The following UQCRB variants were observed in gnomAD, a reference collection of about 807,000 sequenced individuals.
UQCRB encodes cytochrome b-c1 complex subunit 7.
In UQCRB, 12 loss-of-function variants were observed where a neutral mutation model predicts 19.8. The observed-to-expected ratio is 0.61, with a 90% CI of 0.39 to 0.98. UQCRB has a LOEUF of 0.98. Among genes scored for constraint, UQCRB ranks in the 50% least tolerant of loss-of-function variants. The pLI, the probability that UQCRB is intolerant of heterozygous loss-of-function variation, is 0.00. For synonymous variants in UQCRB, 39 were observed against 42.9 expected, an observed-to-expected ratio of 0.91 and a Z score of 0.35; for missense variants, 142 against 131.8, an observed-to-expected ratio of 1.08 and a Z score of -0.38.
chr8:96,233,840 T>C (rs1362956469), intron 1 of UQCRB: 1 of 152,766 alleles, frequency 6.5e-6, no homozygotes, highest in Admixed American at 6.5e-5. Context: ...ATACCATTAG[T>C]CATTTAAACA....
At chr8:96,235,200 T>C (rs1046423281) in intron 1 of UQCRB, 1 of 538,992 alleles carries the variant, frequency 1.9e-6, no homozygotes, top group African/African-American at 1.9e-5. Context: ...GTTATCCTCT[T>C]GTGCCCTTTA....
chr8:96,227,785 G>C lies in UQCRB; in HGVS notation c.*3270C>G, dbSNP rs1395277219. On this transcript the variant is annotated 3_prime_UTR_variant, in exon 4 of 4. Coordinates refer to ENST00000287022, the MANE Select transcript of UQCRB (RefSeq NM_006294.5). ...AAGTCAAAATTAGTGCAGAGTTAAT[G>C]CTTGAAAAGGGAGTCCTTAAAGTAA... 1 of 453,782 alleles carries C rather than the reference G, an allele frequency of 2.2e-6. No individual in the cohort carries two copies. Among genetic ancestry groups the C allele is most frequent in the Non-Finnish European group, 4.4e-6 (1 of 226,660 alleles). The allele number at this position is 453,782 out of a possible 1,614,324, so 28.1% of individuals were successfully genotyped here. A position where few individuals can be genotyped will look rare whatever the true frequency, so the allele number is the denominator to read the frequency against.
At chr8:96,231,637 C>A in intron 3 of UQCRB, 137 bp downstream of exon 3, 1 of 1,406,696 alleles carries the variant, frequency 7.1e-7, no homozygotes, top group Non-Finnish European at 9.9e-7. Flanking sequence ...ACGGAAATAA[C>A]ATTTGCTTTA....
rs951325277 is a variant in UQCRB at position 96,235,431 on chromosome 8, A to C, written c.19+81T>G. 4.4e-6 allele frequency: 7 copies of C among 1,599,786 alleles called. No homozygotes were observed. The South Asian group carries it at 7.7e-5, about 18-fold the overall frequency. On this transcript the variant is annotated intron_variant, in intron 1 of 3. Coordinates refer to ENST00000287022, the MANE Select transcript of UQCRB (RefSeq NM_006294.5). ...CGACAAACTTGGCCACTTACAAAGA[A>C]GAGAGAAAACGGAGCAAGCTGCAGC...
At position 96,230,310 on chromosome 8, in the gene UQCRB, C is replaced by T. The variant is rs921042248; in HGVS notation, c.*745G>A. ...CAGGCTGGTCTCAAATTCCTGACTTCAGGTGACCCGCCCGCCTCGGCCTCC... is the reference window on the plus strand; with the variant it reads ...CAGGCTGGTCTCAAATTCCTGACTTTAGGTGACCCGCCCGCCTCGGCCTCC... On this transcript the variant is annotated 3_prime_UTR_variant, in exon 4 of 4. Transcript: ENST00000287022. The T allele has an allele frequency of 2.4e-6, 1 of 420,258 alleles. No homozygotes were observed. The highest frequency in any genetic ancestry group is 2.1e-5 in the African/African-American group (1 of 48,650). 26.0% of individuals were successfully genotyped at this position (420,258 alleles called of 1,614,324 possible). A position where few individuals can be genotyped will look rare whatever the true frequency, so the allele number is the denominator to read the frequency against.
At chr8:96,235,470 G>T (rs1278454906) in intron 1 of UQCRB, 42 bp downstream of exon 1, 1 of 1,614,158 alleles carries the variant, frequency 6.2e-7, no homozygotes, top group Non-Finnish European at 8.5e-7. Flanking sequence ...AATAAACGGT[G>T]AAGCGCGACG....
At chr8:96,231,348 C>T (rs1274657383) in intron 3 of UQCRB, 23 of 1,545,726 alleles carry the variant, frequency 1.5e-5, no homozygotes, top group African/African-American at 8.2e-5. Flanking sequence ...GAAGTCTTTT[C>T]GGGAAGAAAA....
rs1281008127 is a variant in UQCRB, at chr8:96,226,958, A to T, written c.*4097T>A. 2 of 454,032 alleles carry T rather than the reference A, an allele frequency of 4.4e-6. No individual in the cohort carries two copies. Among genetic ancestry groups the T allele is most frequent in the Admixed American group, 4.7e-5 (2 of 42,566 alleles). 28.1% of individuals were successfully genotyped at this position (454,032 alleles called of 1,614,324 possible). Reference sequence around the variant, plus strand: ...CAATAAAATTTCTTAGCAAAATATAACTTAGAGGCACTATCCGACCTGAGA... The same window carrying T: ...CAATAAAATTTCTTAGCAAAATATATCTTAGAGGCACTATCCGACCTGAGA... On this transcript the variant is annotated 3_prime_UTR_variant, in exon 4 of 4. Coordinates refer to ENST00000287022, the MANE Select transcript of UQCRB (RefSeq NM_006294.5).
At chr8:96,235,367 A>G in intron 1 of UQCRB, 145 bp downstream of exon 1, 6 of 1,214,578 alleles carry the variant, frequency 4.9e-6, no homozygotes, top group Non-Finnish European at 7.3e-6. Context: ...GGGGAAGCAC[A>G]TCCTTTTCAC....
In UQCRB at chr8:96,227,855, T is replaced by C. The variant is rs1563534198; in HGVS notation, c.*3200A>G. 2.2e-6 allele frequency: 1 copy of C among 454,008 alleles called. No homozygotes were observed. The highest frequency in any genetic ancestry group is 1.6e-5 in the South Asian group (1 of 64,472). 28.1% of individuals were successfully genotyped at this position (454,008 alleles called of 1,614,324 possible). On this transcript the variant is annotated 3_prime_UTR_variant, in exon 4 of 4. Transcript: ENST00000287022. ...ACCAAAATGTACACTTTGGATTTAT[T>C]AAGATTCTAGAATTTAAAAACAGGA...
At chr8:96,235,420 A>T in intron 1 of UQCRB, 92 bp downstream of exon 1, 1 of 1,575,578 alleles carries the variant, frequency 6.3e-7, no homozygotes, top group Non-Finnish European at 8.7e-7. Flanking sequence ...AAACTTGGCC[A>T]CTTACAAAGA....
At position 96,227,651 on chromosome 8, in the gene UQCRB, T is replaced by C. The variant is rs1163926420; in HGVS notation, c.*3404A>G. Reference sequence around the variant, plus strand: ...TTAATTCCAAGTAGTTTGGTTATTTTCAAAGCTACACACAGGATGCCCATA... The same window carrying C: ...TTAATTCCAAGTAGTTTGGTTATTTCCAAAGCTACACACAGGATGCCCATA... On this transcript the variant is annotated 3_prime_UTR_variant, in exon 4 of 4. Coordinates refer to ENST00000287022, the MANE Select transcript of UQCRB (RefSeq NM_006294.5). The C allele has an allele frequency of 1.1e-5, 5 of 454,030 alleles. No individual in the cohort carries two copies. Among genetic ancestry groups the C allele is most frequent in the Non-Finnish European group, 2.2e-5 (5 of 226,800 alleles). The allele number at this position is 454,030 out of a possible 1,614,324, so 28.1% of individuals were successfully genotyped here.
rs1438914304 is a variant in UQCRB at position 96,223,971 on chromosome 8, C to T, written c.*7084G>A. 1.3e-5 allele frequency among the ~76,000 whole-genome samples: 2 copies of T among 152,130 alleles called. No homozygotes were observed. Among genetic ancestry groups the T allele is most frequent in the African/African-American group, 2.4e-5 (1 of 41,440 alleles). ...TCCCTTCAACTGGAACTAGTGTGGTCTCCTGGAGTCTGACTCTGGGGCATG... is the reference window on the plus strand; with the variant it reads ...TCCCTTCAACTGGAACTAGTGTGGTTTCCTGGAGTCTGACTCTGGGGCATG... On this transcript the variant is annotated 3_prime_UTR_variant, in exon 4 of 4. Coordinates refer to ENST00000287022, the MANE Select transcript of UQCRB (RefSeq NM_006294.5).
rs568637171 is a variant in UQCRB at position 96,226,962 on chromosome 8, A to G, written c.*4093T>C. On this transcript the variant is annotated 3_prime_UTR_variant, in exon 4 of 4. Transcript: ENST00000287022. ...AAAATTTCTTAGCAAAATATAACTT[A>G]GAGGCACTATCCGACCTGAGATCTC... 1.5e-3 allele frequency: 693 copies of G among 453,956 alleles called. 1 individual carries two copies. Among genetic ancestry groups the G allele is most frequent in the Non-Finnish European group, 2.6e-3 (592 of 226,770 alleles). 28.1% of individuals were successfully genotyped at this position (453,956 alleles called of 1,614,324 possible).
chr8:96,232,329 T>G (rs1266885653), intron 2 of UQCRB: 2 of 222,460 alleles, frequency 9.0e-6, no homozygotes, highest in Non-Finnish European at 9.1e-6. Context: ...AGTTTAAATC[T>G]GAGATCAAGG....
rs1300416439 is a variant in UQCRB at position 96,235,511 on chromosome 8, C to G, written c.19+1G>C. On this transcript the variant is annotated splice_donor_variant, in intron 1 of 3. Coordinates refer to ENST00000287022, the MANE Select transcript of UQCRB (RefSeq NM_006294.5). LOFTEE classifies it high-confidence loss of function. ...GGCCAAGAAGACCCCCAGTTACTTA[C>G]CGGCCTGCTTACCAGCCATTTTGAC... is the stretch of plus-strand genomic sequence containing the variant. 2 of 1,614,112 alleles carry G rather than the reference C, an allele frequency of 1.2e-6. No individual in the cohort carries two copies. The highest frequency in any genetic ancestry group is 1.7e-6 in the Non-Finnish European group (2 of 1,180,042).
In UQCRB at chr8:96,231,092, C is replaced by T. The variant is rs746768081; in HGVS notation, c.299G>A (p.Arg100Gln). 11 of 1,613,766 alleles carry T rather than the reference C, an allele frequency of 6.8e-6. No individual in the cohort carries two copies. The highest frequency in any genetic ancestry group is 4.5e-5 in the East Asian group (2 of 44,852). The change falls in exon 4 of 4, where the codon CGG (arginine) becomes CAG (glutamine). Residue 100 changes from arginine (R) to glutamine (Q), a missense_variant. By Grantham distance (43) the Arg-to-Gln change is conservative. This residue lies in a region of UQCRB where 10 missense variants were observed against 24.4 expected (regional missense o/e 0.41). Transcript: ENST00000287022. Reference sequence around the variant, plus strand: ...CCATTCTTCTCTTTCTTTTCTTTCCCGAATAACCTCTTTCAGATACGGTTC... The same window carrying T: ...CCATTCTTCTCTTTCTTTTCTTTCCTGAATAACCTCTTTCAGATACGGTTC... ...YLEPYLKEVIRERKEREEWAK... is the reference protein window; with the variant it reads ...YLEPYLKEVIQERKEREEWAK...
Position 96,228,910 on chromosome 8 carries a change from C to G in UQCRB, c.*2145G>C, listed in dbSNP as rs1433596417. ...GCAGAGTGCCTGTGTTTCAGGCACTCTCATGGTGATTTTCCACACAGGACG... is the reference window on the plus strand; with the variant it reads ...GCAGAGTGCCTGTGTTTCAGGCACTGTCATGGTGATTTTCCACACAGGACG... On this transcript the variant is annotated 3_prime_UTR_variant, in exon 4 of 4. Transcript: ENST00000287022. 2.2e-6 allele frequency: 1 copy of G among 454,062 alleles called. No homozygotes were observed. Among genetic ancestry groups the G allele is most frequent in the Admixed American group, 2.3e-5 (1 of 42,560 alleles). The allele number at this position is 454,062 out of a possible 1,614,324, so 28.1% of individuals were successfully genotyped here.
rs1809493631 is a variant in UQCRB at position 96,224,375 on chromosome 8, T to C, written c.*6680A>G. On this transcript the variant is annotated 3_prime_UTR_variant, in exon 4 of 4. Coordinates refer to ENST00000287022, the MANE Select transcript of UQCRB (RefSeq NM_006294.5). ...TCTGTCTCTCTCATCTGCCCTCTCT[T>C]GCAGGTGGCCACCCTCCCCACACTG... Among the ~76,000 whole-genome samples the C allele has an allele frequency of 6.6e-6, 1 of 152,142 alleles. No individual in the cohort carries two copies. The highest frequency in any genetic ancestry group is 1.5e-5 in the Non-Finnish European group (1 of 68,020).
Sources: gnomAD v4.1 joint callset for allele counts (sites outside exome capture counted in the v4.1 genomes callset) on GRCh38, gnomAD v4.1.1 for gene constraint, gnomAD v4.1.1 regional missense constraint, MANE v1.5 for transcripts, NCBI Gene and HGNC (gene_info 2026-07-23, HGNC 2026-07-21) for gene names.